Variants in MED15 observed in about 807,000 individuals in gnomAD.
The protein encoded by MED15 is mediator complex subunit 15, also known as mediator of RNA polymerase II transcription subunit 15.
MED15 carries 41 observed loss-of-function variants against 118.7 expected under a neutral mutation model. The observed-to-expected ratio is 0.35, with a 90% CI of 0.27 to 0.45. The LOEUF is 0.45. Ranked by LOEUF, MED15 falls within the 20% of genes least tolerant of loss-of-function variation. MED15 has a pLI of 1.00. For missense variants in MED15, 740 were observed against 1,025.5 expected (o/e 0.72, Z 3.80); for synonymous variants, 436 against 413.9 (o/e 1.05, Z -0.65).
At chr22:20,567,753 G>C (rs1376955042) in intron 7 of MED15, among the ~76,000 whole-genome samples, 2 of 152,214 alleles carry the variant, frequency 1.3e-5, no homozygotes, top group Non-Finnish European at 2.9e-5. Context: ...ACTTGGAGAT[G>C]TCTAAGGAAG....
intron 1 of MED15, among the ~76,000 whole-genome samples, chr22:20,536,026 G>T (rs564502505): frequency 4.3e-4 from 66 of 151,904 alleles, no homozygotes; most frequent in African/African-American, 1.5e-3. Context: ...ACAGGCATGC[G>T]CAACCACACC....
chr22:20,545,665 G>GTGGCCA (rs1261124739), intron 2 of MED15, among the ~76,000 whole-genome samples: 3 of 152,004 alleles, frequency 2.0e-5, no homozygotes, highest in Non-Finnish European at 2.9e-5. Flanking sequence ...TTTTCCCTTG[G>GTGGCCA]TGGCCAGGTC....
At chr22:20,561,006 A>C (rs1232486592) in intron 5 of MED15, among the ~76,000 whole-genome samples, 1 of 152,196 alleles carries the variant, frequency 6.6e-6, no homozygotes, top group African/African-American at 2.4e-5. Context: ...AACCTACTTT[A>C]AAAAGTAGTA....
intron 1 of MED15, among the ~76,000 whole-genome samples, chr22:20,535,196 G>A (rs1332812378): frequency 6.6e-6 from 1 of 152,152 alleles, no homozygotes; most frequent in Non-Finnish European, 1.5e-5. Flanking sequence ...GACCTCAGGT[G>A]ATCCACCTGC....
At chr22:20,536,252 C>T (rs951189411) in intron 1 of MED15, among the ~76,000 whole-genome samples, 2 of 151,656 alleles carry the variant, frequency 1.3e-5, no homozygotes, top group Non-Finnish European at 2.9e-5. Context: ...AGAAGGCAGG[C>T]AGTGAGCACA....
At position 20,564,702 on chromosome 22, in the gene MED15, T is replaced by C; in HGVS notation, c.690+14T>C. On this transcript the variant is annotated intron_variant, in intron 6 of 17. Transcript: ENST00000263205. The stretch of plus-strand genomic sequence containing the variant: ...AATCAGCAACAGGTACCAGGTCCCC[T>C]GTTCCTGCTCTTGGCCTCCCTCCTG... The C allele has an allele frequency of 6.2e-7, 1 of 1,614,088 alleles. No individual in the cohort carries two copies. Among genetic ancestry groups the C allele is most frequent in the African/African-American group, 1.3e-5 (1 of 75,062 alleles).
At chr22:20,556,711 G>A (rs555282331) in intron 5 of MED15, among the ~76,000 whole-genome samples, 5 of 152,204 alleles carry the variant, frequency 3.3e-5, no homozygotes, top group South Asian at 4.2e-4. Context: ...ATTGGCATGC[G>A]GAGCCGTTCC....
At chr22:20,553,870 C>A (rs984341722) in intron 4 of MED15, among the ~76,000 whole-genome samples, 2 of 151,162 alleles carry the variant, frequency 1.3e-5, no homozygotes, top group African/African-American at 4.9e-5. Context: ...GACTCCATCT[C>A]AAAAAAAAAG....
At chr22:20,564,892 A>G (rs2056379885) in intron 6 of MED15, among the ~76,000 whole-genome samples, 2 of 152,190 alleles carry the variant, frequency 1.3e-5, no homozygotes, top group South Asian at 4.1e-4. Context: ...GCACTTTGGG[A>G]GGCCAAGGCA....
In MED15 at chr22:20,587,089, A is replaced by G. The variant is rs540953826; in HGVS notation, c.*385A>G. 14 of 246,850 alleles carry G rather than the reference A, an allele frequency of 5.7e-5. No individual in the cohort carries two copies. The highest frequency in any genetic ancestry group is 8.1e-5 in the East Asian group (1 of 12,364). The allele number at this position is 246,850 out of a possible 1,614,324, so 15.3% of individuals were successfully genotyped here. A position where few individuals can be genotyped will look rare whatever the true frequency, so the allele number is the denominator to read the frequency against. On this transcript the variant is annotated 3_prime_UTR_variant, in exon 18 of 18. Transcript: ENST00000263205. ...GCTAGACGCACCCCTACTCGTTCCT[A>G]TAGAACACAGAGGACATAGGAAACC...
chr22:20,535,302 T>C (rs985572736), intron 1 of MED15, among the ~76,000 whole-genome samples: 1 of 152,042 alleles, frequency 6.6e-6, no homozygotes, highest in Non-Finnish European at 1.5e-5. Flanking sequence ...TCAATGTCAT[T>C]TTGTTTTTCT....
intron 5 of MED15, among the ~76,000 whole-genome samples, chr22:20,557,455 C>T (rs903337950): frequency 6.6e-6 from 1 of 152,112 alleles, no homozygotes; most frequent in Non-Finnish European, 1.5e-5. Context: ...GTCCCAAGCT[C>T]TCATTACCTC....
intron 1 of MED15, among the ~76,000 whole-genome samples, chr22:20,516,052 C>G (rs2054245631): frequency 6.6e-6 from 1 of 151,532 alleles, no homozygotes; most frequent in Non-Finnish European, 1.5e-5. Context: ...CGCGGTGGCT[C>G]ACACCTGTAA....
chr22:20,529,855 G>A (rs2054792384), intron 1 of MED15, among the ~76,000 whole-genome samples: 1 of 152,142 alleles, frequency 6.6e-6, no homozygotes, highest in Non-Finnish European at 1.5e-5. Context: ...GCCTCCCAAA[G>A]TGCTGGGATT....
intron 1 of MED15, among the ~76,000 whole-genome samples, chr22:20,534,605 A>G (rs1376246590): frequency 6.6e-6 from 1 of 152,206 alleles, no homozygotes; most frequent in Non-Finnish European, 1.5e-5. Flanking sequence ...AGGGGCACAG[A>G]TGAGGCAACC....
At chr22:20,532,909 C>A (rs1421674153) in intron 1 of MED15, among the ~76,000 whole-genome samples, 1 of 152,162 alleles carries the variant, frequency 6.6e-6, no homozygotes, top group African/African-American at 2.4e-5. Context: ...CATGTGGGTT[C>A]TCTGTTCTTT....
At chr22:20,586,436 G>A in intron 17 of MED15, 132 bp from the exon 18 acceptor site, 1 of 1,328,370 alleles carries the variant, frequency 7.5e-7, no homozygotes, top group Non-Finnish European at 1.0e-6. Flanking sequence ...AGGCCGGGCA[G>A]CGTGCAGGAC....
intron 16 of MED15, 85 bp downstream of exon 16, chr22:20,585,352 C>G (rs2057103733): frequency 2.0e-6 from 3 of 1,530,544 alleles, no homozygotes; most frequent in Non-Finnish European, 2.7e-6. Context: ...CCAGATGGCA[C>G]AGCGCCCAGA....
intron 1 of MED15, 84 bp from the exon 2 acceptor site, chr22:20,537,033 T>C: frequency 7.9e-7 from 1 of 1,273,128 alleles, no homozygotes; most frequent in Non-Finnish European, 1.1e-6. Flanking sequence ...CAGGGGCAGC[T>C]GCTATGCAGG....
Sources: allele counts gnomAD v4.1 joint callset (sites outside exome capture counted in the v4.1 genomes callset), GRCh38; gene constraint gnomAD v4.1.1; transcripts MANE v1.5; gene names NCBI Gene and HGNC (gene_info 2026-07-23, HGNC 2026-07-21).